Variants in OPCML observed in about 807,000 individuals in gnomAD.
OPCML encodes opioid binding protein/cell adhesion molecule like, also known as opioid-binding protein/cell adhesion molecule.
Under a neutral mutation model 37.8 loss-of-function variants are expected in OPCML, and 13 were observed. The observed-to-expected ratio is 0.34, with a 90% confidence interval of 0.22 to 0.55. OPCML has a LOEUF of 0.55. Ranked by LOEUF, OPCML falls within the 20% of genes least tolerant of loss-of-function variation. The pLI, the probability that OPCML is intolerant of heterozygous loss-of-function variation, is 0.91. For missense variants in OPCML, 341 were observed against 435.6 expected (o/e 0.78, Z 1.93); for synonymous variants, 176 against 168.8 (o/e 1.04, Z -0.33).
intron 1 of OPCML, among the ~76,000 whole-genome samples, chr11:133,381,106 G>A (rs969577023): frequency 2.0e-5 from 3 of 152,232 alleles, no homozygotes; most frequent in African/African-American, 2.4e-5. Flanking sequence ...GACAGGCTCC[G>A]CATGAAGAGC....
intron 1 of OPCML, among the ~76,000 whole-genome samples, chr11:133,469,491 T>C (rs951577409): frequency 6.6e-6 from 1 of 152,226 alleles, no homozygotes; most frequent in African/African-American, 2.4e-5. Context: ...CAAAAGCTTC[T>C]TAGCTCATTC....
At chr11:133,131,057 G>A (rs537922316) in intron 1 of OPCML, among the ~76,000 whole-genome samples, 3 of 152,202 alleles carry the variant, frequency 2.0e-5, no homozygotes, top group South Asian at 4.2e-4. Flanking sequence ...CCTCATGAAC[G>A]GGATTAGTGT....
At chr11:133,249,013 C>A (rs188343375) in intron 1 of OPCML, among the ~76,000 whole-genome samples, 1 of 152,096 alleles carries the variant, frequency 6.6e-6, no homozygotes, top group African/African-American at 2.4e-5. Flanking sequence ...GAGCTGTTGC[C>A]GGTATAAAAC....
intron 1 of OPCML, among the ~76,000 whole-genome samples, chr11:133,528,975 C>A (rs1948546704): frequency 1.3e-5 from 2 of 152,216 alleles, no homozygotes. Context: ...AGGACTTGGG[C>A]AGCACTGTGC....
rs762929226 is a variant in OPCML at position 132,987,912 on chromosome 11, T to C, written c.62-44902A>G. ...CTTATGTGTGGACAAATTATTAAAT[T>C]ATAAATAGGGAAAATATCAGCACTT... On this transcript the variant is annotated intron_variant, in intron 1 of 7. Transcript: ENST00000524381. 9.2e-5 allele frequency among the ~76,000 whole-genome samples: 14 copies of C among 152,306 alleles called. No individual in the cohort carries two copies. The South Asian group carries it at 1.7e-3, about 18-fold the overall frequency.
chr11:133,120,196 A>C (rs963038140), intron 1 of OPCML, among the ~76,000 whole-genome samples: 1 of 152,200 alleles, frequency 6.6e-6, no homozygotes, highest in Non-Finnish European at 1.5e-5. Flanking sequence ...GTGTATACAT[A>C]TTCTAACATA....
chr11:133,415,225 T>C (rs1460113535), intron 1 of OPCML, among the ~76,000 whole-genome samples: 1 of 151,970 alleles, frequency 6.6e-6, no homozygotes, highest in Non-Finnish European at 1.5e-5. Flanking sequence ...CAGACTAACA[T>C]GGTGAAACCC....
intron 2 of OPCML, among the ~76,000 whole-genome samples, chr11:132,746,905 C>T (rs1012052848): frequency 1.3e-5 from 2 of 152,236 alleles, no homozygotes; most frequent in Non-Finnish European, 2.9e-5. Flanking sequence ...GAGCTGAGAA[C>T]GAGGACCTGC....
intron 1 of OPCML, among the ~76,000 whole-genome samples, chr11:133,409,530 G>T (rs1250158007): frequency 6.6e-6 from 1 of 152,152 alleles, no homozygotes; most frequent in Non-Finnish European, 1.5e-5. Context: ...CACTACCGCT[G>T]AGCTCCTGCT....
At chr11:133,078,774 G>A (rs545444933) in intron 1 of OPCML, among the ~76,000 whole-genome samples, 5 of 152,112 alleles carry the variant, frequency 3.3e-5, no homozygotes, top group Non-Finnish European at 7.3e-5. Context: ...CTCCGTGCCC[G>A]TGTATTTTAA....
chr11:132,808,561 T>A (rs56347434), intron 2 of OPCML, among the ~76,000 whole-genome samples: 8,609 of 152,266 alleles, frequency 0.057, 611 homozygotes, highest in African/African-American at 0.17. Flanking sequence ...AGAAATTTGA[T>A]GATCATTGGG....
intron 3 of OPCML, among the ~76,000 whole-genome samples, chr11:132,568,928 A>T (rs188679973): frequency 6.6e-6 from 1 of 152,272 alleles, no homozygotes; most frequent in African/African-American, 2.4e-5. Flanking sequence ...GTTGTGATAT[A>T]CAAAAACATC....
intron 3 of OPCML, among the ~76,000 whole-genome samples, chr11:132,537,058 T>G (rs1036614030): frequency 1.3e-5 from 2 of 152,198 alleles, no homozygotes; most frequent in Non-Finnish European, 2.9e-5. Context: ...CAGCAACAAG[T>G]TGGGTCTTAT....
intron 1 of OPCML, among the ~76,000 whole-genome samples, chr11:133,315,577 T>C (rs1217005026): frequency 6.6e-6 from 1 of 152,194 alleles, no homozygotes; most frequent in Non-Finnish European, 1.5e-5. Flanking sequence ...AGCGGGTGGA[T>C]TACTTGAGGT....
At chr11:132,850,232 G>A (rs565570625) in intron 2 of OPCML, among the ~76,000 whole-genome samples, 2 of 152,272 alleles carry the variant, frequency 1.3e-5, no homozygotes, top group East Asian at 3.9e-4. Context: ...AGGAAAGCGA[G>A]CCCTACTTGC....
chr11:132,922,935 T>A (rs1009295704), intron 2 of OPCML, among the ~76,000 whole-genome samples: 41 of 151,810 alleles, frequency 2.7e-4, no homozygotes, highest in African/African-American at 9.4e-4. Context: ...TTTTTTAAAT[T>A]AGCCAGGTGT....
chr11:133,525,423 G>A lies in OPCML; in HGVS notation c.61+6841C>T, dbSNP rs1245243875. The stretch of plus-strand genomic sequence containing the variant: ...GCTGGAAAGGCAGAGAGCTGGAGAT[G>A]AAGCTAGATGAATGCAGGGCCAGAT... On this transcript the variant is annotated intron_variant, in intron 1 of 7. Coordinates refer to ENST00000524381, the MANE Select transcript of OPCML (RefSeq NM_001012393.5). Among the ~76,000 whole-genome samples the A allele has an allele frequency of 2.0e-5, 3 of 152,226 alleles. No homozygotes were observed. In the East Asian group the frequency reaches 5.8e-4, roughly 29 times the overall value.
At chr11:133,290,530 G>A (rs559753146) in intron 1 of OPCML, among the ~76,000 whole-genome samples, 3 of 152,324 alleles carry the variant, frequency 2.0e-5, no homozygotes, top group South Asian at 4.1e-4. Context: ...CAGAAAAGAA[G>A]TCCAGGTCCC....
intron 2 of OPCML, among the ~76,000 whole-genome samples, chr11:132,662,535 T>A (rs1338269974): frequency 5.9e-5 from 9 of 152,028 alleles, no homozygotes; most frequent in Non-Finnish European, 8.8e-5. Context: ...GTTCCTGCCC[T>A]ATGAAACTAC....
Sources: gnomAD v4.1 joint callset for allele counts (sites outside exome capture counted in the v4.1 genomes callset) on GRCh38, gnomAD v4.1.1 for gene constraint, MANE v1.5 for transcripts, NCBI Gene and HGNC (gene_info 2026-07-23, HGNC 2026-07-21) for gene names.